The following RAI14 variants were observed in gnomAD, a reference collection of about 807,000 sequenced individuals.
The protein encoded by RAI14 is retinoic acid induced 14.
RAI14 carries 45 observed loss-of-function variants against 115.4 expected under a neutral mutation model. The observed-to-expected ratio is 0.39, with a 90% CI of 0.31 to 0.50. RAI14 has a LOEUF of 0.50. Ranked by LOEUF, RAI14 falls within the 20% of genes least tolerant of loss-of-function variation. The pLI is 0.85. For missense variants in RAI14, 939 were observed against 1,131.2 expected, an observed-to-expected ratio of 0.83 and a Z score of 2.44; for synonymous variants, 371 against 415.4, an observed-to-expected ratio of 0.89 and a Z score of 1.30.
intron 4 of RAI14, among the ~76,000 whole-genome samples, chr5:34,801,089 G>A (rs982043034): frequency 2.4e-4 from 36 of 152,264 alleles, no homozygotes; most frequent in African/African-American, 8.2e-4. Flanking sequence ...CTGGAAGGAG[G>A]GATCTCATAT....
intron 12 of RAI14, among the ~76,000 whole-genome samples, chr5:34,816,882 T>A: frequency 1.0e-5 from 1 of 96,920 alleles, no homozygotes. Context: ...TTTTCAGAGG[T>A]AGAGTATAAG....
At chr5:34,812,714 A>T (rs1755749755) in intron 10 of RAI14, among the ~76,000 whole-genome samples, 1 of 152,174 alleles carries the variant, frequency 6.6e-6, no homozygotes, top group South Asian at 2.1e-4. Flanking sequence ...TTTATTTCAA[A>T]AGCATGTAAC....
intron 2 of RAI14, among the ~76,000 whole-genome samples, chr5:34,701,791 C>T (rs1670697299): frequency 6.6e-6 from 1 of 151,928 alleles, no homozygotes; most frequent in Non-Finnish European, 1.5e-5. Context: ...TCTCTTCAAA[C>T]ATTTTACAGA....
chr5:34,814,061 C>T (rs1755900460), intron 11 of RAI14, among the ~76,000 whole-genome samples: 1 of 152,124 alleles, frequency 6.6e-6, no homozygotes, highest in Non-Finnish European at 1.5e-5. Flanking sequence ...TTTCTTAAAA[C>T]ATTGCTGCAA....
At chr5:34,764,754 G>T (rs1327357871) in intron 3 of RAI14, among the ~76,000 whole-genome samples, 1 of 151,930 alleles carries the variant, frequency 6.6e-6, no homozygotes, top group African/African-American at 2.4e-5. Context: ...TTGCAAAATT[G>T]TGCTTTAGAA....
chr5:34,800,374 A>G (rs1257545124), intron 4 of RAI14, among the ~76,000 whole-genome samples: 2 of 152,218 alleles, frequency 1.3e-5, no homozygotes, highest in African/African-American at 4.8e-5. Context: ...GAAGGCACTT[A>G]GGATTGCCCT....
At chr5:34,728,169 T>A in intron 2 of RAI14, among the ~76,000 whole-genome samples, 1 of 152,202 alleles carries the variant, frequency 6.6e-6, no homozygotes, top group Non-Finnish European at 1.5e-5. Context: ...CTATATTTAC[T>A]CAATGTCTGT....
At chr5:34,670,063 G>T (rs947016689) in intron 1 of RAI14, among the ~76,000 whole-genome samples, 1 of 152,182 alleles carries the variant, frequency 6.6e-6, no homozygotes, top group Admixed American at 6.5e-5. Context: ...GTGAGGCAGG[G>T]GTGCGTGAGG....
rs114266550 is a variant in RAI14, at chr5:34,776,721, C to T, written c.167+19123C>T. Among the ~76,000 whole-genome samples, 1,454 of 151,180 alleles carry T rather than the reference C, an allele frequency of 9.6e-3. 18 individuals are homozygous for T. Among genetic ancestry groups the T allele is most frequent in the Non-Finnish European group, 0.016 (1,062 of 67,818 alleles). ...ATTCGGGAGACTGAGATGGGAGAAT[C>T]GCTTGAGCCAGGGAGATTGAGGCTG... On this transcript the variant is annotated intron_variant, in intron 3 of 17. Transcript: ENST00000265109.
intron 4 of RAI14, among the ~76,000 whole-genome samples, chr5:34,802,262 T>C: frequency 6.6e-6 from 1 of 152,008 alleles, no homozygotes; most frequent in African/African-American, 2.4e-5. Flanking sequence ...TCAATGATGC[T>C]AAGGTTGAGA....
intron 5 of RAI14, among the ~76,000 whole-genome samples, chr5:34,806,465 G>T (rs564023889): frequency 3.3e-5 from 5 of 152,206 alleles, no homozygotes; most frequent in Admixed American, 6.5e-5. Context: ...GTGCCAGGAG[G>T]CTACCTTAGC....
intron 2 of RAI14, among the ~76,000 whole-genome samples, chr5:34,697,136 A>G (rs972410068): frequency 2.7e-5 from 4 of 147,918 alleles, no homozygotes; most frequent in African/African-American, 1.0e-4. Context: ...ATCTCAAAAA[A>G]TAATAATAAT....
intron 14 of RAI14, 38 bp from the exon 15 acceptor site, chr5:34,822,918 A>C: frequency 6.6e-7 from 1 of 1,513,298 alleles, no homozygotes; most frequent in Non-Finnish European, 9.0e-7. Flanking sequence ...CAATCTCCTG[A>C]CCTTTGATAT....
chr5:34,803,070 G>C (rs141417666), intron 4 of RAI14, among the ~76,000 whole-genome samples: 3 of 152,326 alleles, frequency 2.0e-5, no homozygotes, highest in African/African-American at 7.2e-5. Flanking sequence ...TATAGACACA[G>C]GATGTTTGGC....
chr5:34,675,353 A>G (rs1039433408), intron 1 of RAI14, among the ~76,000 whole-genome samples: 1 of 152,252 alleles, frequency 6.6e-6, no homozygotes, highest in Non-Finnish European at 1.5e-5. Flanking sequence ...CCCCAGAAAG[A>G]TCCTTTATGG....
intron 2 of RAI14, among the ~76,000 whole-genome samples, chr5:34,715,133 C>T (rs540579510): frequency 4.6e-5 from 7 of 152,048 alleles, no homozygotes; most frequent in East Asian, 3.9e-4. Flanking sequence ...GAGAGTTGTG[C>T]GTGTGAGGGG....
intron 2 of RAI14, among the ~76,000 whole-genome samples, chr5:34,715,645 C>G (rs911824726): frequency 1.3e-5 from 2 of 152,198 alleles, no homozygotes; most frequent in African/African-American, 4.8e-5. Flanking sequence ...ATCACACATT[C>G]TTCTGGCTTC....
At chr5:34,709,426 C>T (rs942022376) in intron 2 of RAI14, among the ~76,000 whole-genome samples, 15 of 152,162 alleles carry the variant, frequency 9.9e-5, no homozygotes, top group African/African-American at 3.4e-4. Context: ...CCAGCCTGGG[C>T]CACAGAGCAA....
intron 3 of RAI14, among the ~76,000 whole-genome samples, chr5:34,769,609 G>C (rs140976171): frequency 6.6e-6 from 1 of 152,208 alleles, no homozygotes. Flanking sequence ...AGGAGAAAAG[G>C]CTTAGTAATT....
Sources: allele counts gnomAD v4.1 joint callset (sites outside exome capture counted in the v4.1 genomes callset), GRCh38; gene constraint gnomAD v4.1.1; transcripts MANE v1.5; gene names NCBI Gene and HGNC (gene_info 2026-07-23, HGNC 2026-07-21).